Variants in DPP10 observed in about 807,000 individuals in gnomAD.
DPP10 encodes dipeptidyl peptidase like 10.
DPP10 carries 33 observed loss-of-function variants against 120.9 expected under a neutral mutation model. The observed-to-expected ratio is 0.27, with a 90% CI of 0.21 to 0.37. The LOEUF (loss-of-function observed/expected upper bound fraction) is 0.37, where lower values mean the gene tolerates loss of function less well. Among genes scored for constraint, DPP10 ranks in the 10% least tolerant of loss-of-function variants. The pLI, the probability that DPP10 is intolerant of heterozygous loss-of-function variation, is 1.00. For missense variants in DPP10, 816 were observed against 942.8 expected, an observed-to-expected ratio of 0.87 and a Z score of 1.76; for synonymous variants, 337 against 326.1, an observed-to-expected ratio of 1.03 and a Z score of -0.36.
At chr2:115,806,870 T>C (rs1374362705) in intron 19 of DPP10, among the ~76,000 whole-genome samples, 2 of 151,172 alleles carry the variant, frequency 1.3e-5, no homozygotes, top group African/African-American at 2.4e-5. Flanking sequence ...GAAGCAAGCA[T>C]GTAGAATATT....
At chr2:115,150,669 T>C (rs900023305) in intron 1 of DPP10, among the ~76,000 whole-genome samples, 2 of 152,198 alleles carry the variant, frequency 1.3e-5, no homozygotes, top group African/African-American at 4.8e-5. Flanking sequence ...TCCACCATAA[T>C]TCTTAGGCTT....
Position 115,739,805 on chromosome 2 carries a change from T to A in DPP10, c.764T>A (p.Met255Lys). ...SPDGERLAFL[M>K]INDSLVPTMV... ...GATGGAGAAAGACTTGCCTTCCTGATGATAAATGACTCTTTGGTACCCACC... is the reference window on the plus strand; with the variant it reads ...GATGGAGAAAGACTTGCCTTCCTGAAGATAAATGACTCTTTGGTACCCACC... The change falls in exon 9 of 26, where the codon ATG (methionine) becomes AAG (lysine). Residue 255 changes from methionine to lysine, a missense_variant. Met to Lys is a moderately conservative substitution (Grantham distance 95). Around this residue, in one of 3 missense-constraint regions of DPP10, gnomAD observed 592 missense variants for 649.0 expected, o/e 0.91. Transcript: ENST00000410059. The A allele has an allele frequency of 6.2e-7, 1 of 1,613,610 alleles. No homozygotes were observed. Among genetic ancestry groups the A allele is most frequent in the Non-Finnish European group, 8.5e-7 (1 of 1,179,604 alleles).
chr2:115,102,599 C>G (rs893306357), intron 1 of DPP10, among the ~76,000 whole-genome samples: 1 of 151,530 alleles, frequency 6.6e-6, no homozygotes, highest in African/African-American at 2.4e-5. Flanking sequence ...TTAGTAGAGA[C>G]GAGGTTTCAC....
At chr2:115,668,266 T>C (rs1025862783) in intron 5 of DPP10, among the ~76,000 whole-genome samples, 46 of 107,890 alleles carry the variant, frequency 4.3e-4, no homozygotes, top group African/African-American at 2.3e-3. Context: ...ATTTTAACAG[T>C]GTGGAGAAGT....
At chr2:115,660,023 T>C (rs1225986558) in intron 5 of DPP10, among the ~76,000 whole-genome samples, 1 of 152,192 alleles carries the variant, frequency 6.6e-6, no homozygotes, top group African/African-American at 2.4e-5. Context: ...TAAAAAATAC[T>C]TTGTACTAGG....
intron 5 of DPP10, among the ~76,000 whole-genome samples, chr2:115,539,845 A>C (rs545488596): frequency 6.6e-6 from 1 of 151,768 alleles, no homozygotes; most frequent in Non-Finnish European, 1.5e-5. Context: ...CCAGATATAC[A>C]CACAGAGAAG....
chr2:114,922,403 T>G (rs1574490981), intron 1 of DPP10, among the ~76,000 whole-genome samples: 1 of 152,152 alleles, frequency 6.6e-6, no homozygotes, highest in South Asian at 2.1e-4. Flanking sequence ...ACCTCCGCTT[T>G]CTGGGTTCAA....
chr2:115,599,829 T>C (rs1219685880), intron 5 of DPP10, among the ~76,000 whole-genome samples: 1 of 149,448 alleles, frequency 6.7e-6, no homozygotes, highest in Non-Finnish European at 1.5e-5. Flanking sequence ...CTGTCACACA[T>C]ATAGTGCATT....
At chr2:114,799,116 C>T (rs372127516) in intron 1 of DPP10, among the ~76,000 whole-genome samples, 3 of 151,952 alleles carry the variant, frequency 2.0e-5, no homozygotes, top group East Asian at 1.9e-4. Context: ...GCAACAAGAG[C>T]GAAACTCCAT....
intron 3 of DPP10, among the ~76,000 whole-genome samples, chr2:115,459,733 G>A (rs1333943003): frequency 6.6e-6 from 1 of 151,704 alleles, no homozygotes; most frequent in Non-Finnish European, 1.5e-5. Context: ...AATATAATAT[G>A]AATTCAAATT....
chr2:115,211,137 T>C (rs532432540), intron 1 of DPP10, among the ~76,000 whole-genome samples: 6 of 152,116 alleles, frequency 3.9e-5, no homozygotes, highest in Non-Finnish European at 7.4e-5. Context: ...TTTGCTAAAA[T>C]ATTTAATTAT....
At chr2:114,683,293 A>G (rs1440840106) in intron 1 of DPP10, among the ~76,000 whole-genome samples, 8 of 151,802 alleles carry the variant, frequency 5.3e-5, no homozygotes, top group Non-Finnish European at 8.8e-5. Context: ...TTTAGTTTCC[A>G]TTATGTACCA....
In DPP10 at chr2:114,539,196, T is replaced by C. The variant is rs548167668; in HGVS notation, c.60+96358T>C. Among the ~76,000 whole-genome samples the C allele has an allele frequency of 6.7e-5, 10 of 148,612 alleles. No homozygotes were observed. In the South Asian group the frequency reaches 2.1e-3, roughly 31 times the overall value. On this transcript the variant is annotated intron_variant, in intron 1 of 25. Coordinates refer to ENST00000410059, the MANE Select transcript of DPP10 (RefSeq NM_020868.6). Reference sequence around the variant, plus strand: ...TTATAACTGTATATTACATATAAATTATATTTATAATTATACACATAACTA... The same window carrying C: ...TTATAACTGTATATTACATATAAATCATATTTATAATTATACACATAACTA...
At chr2:115,797,778 G>A (rs1484471509) in intron 19 of DPP10, among the ~76,000 whole-genome samples, 1 of 151,868 alleles carries the variant, frequency 6.6e-6, no homozygotes, top group Non-Finnish European at 1.5e-5. Context: ...TTAAATGTCA[G>A]CATTAACTTC....
intron 1 of DPP10, among the ~76,000 whole-genome samples, chr2:115,158,056 G>T (rs886342991): frequency 1.3e-5 from 2 of 152,256 alleles, no homozygotes; most frequent in East Asian, 1.9e-4. Context: ...AAAATCTCAA[G>T]GGACATTTGT....
At chr2:115,583,771 T>C (rs1475560566) in intron 5 of DPP10, among the ~76,000 whole-genome samples, 1 of 152,154 alleles carries the variant, frequency 6.6e-6, no homozygotes, top group African/African-American at 2.4e-5. Flanking sequence ...ACCAAATTTG[T>C]GGCCATCTTT....
intron 5 of DPP10, among the ~76,000 whole-genome samples, chr2:115,687,043 T>A (rs560753043): frequency 6.6e-6 from 1 of 151,986 alleles, no homozygotes; most frequent in South Asian, 2.1e-4. Flanking sequence ...TAAAGGAAAT[T>A]GAGGAATGTT....
chr2:114,476,807 T>C (rs1361297781), intron 1 of DPP10, among the ~76,000 whole-genome samples: 4 of 152,140 alleles, frequency 2.6e-5, no homozygotes, highest in African/African-American at 9.7e-5. Context: ...CAGATACCCA[T>C]GCCTGTATAG....
intron 7 of DPP10, among the ~76,000 whole-genome samples, chr2:115,712,538 A>AT (rs2092352704): frequency 1.3e-5 from 1 of 74,178 alleles, no homozygotes; most frequent in Admixed American, 2.0e-4. Context: ...AAGAGTCCTG[A>AT]ATTAAATATA....
Sources: gnomAD v4.1 joint callset for allele counts (sites outside exome capture counted in the v4.1 genomes callset) on GRCh38, gnomAD v4.1.1 for gene constraint, gnomAD v4.1.1 regional missense constraint, MANE v1.5 for transcripts, NCBI Gene and HGNC (gene_info 2026-07-23, HGNC 2026-07-21) for gene names.